MCPH1: variants seen among roughly 807,000 people sequenced by gnomAD.
MCPH1 encodes the protein microcephalin.
A neutral mutation model predicts 84.5 loss-of-function variants in MCPH1; 104 were observed. That is an observed-to-expected ratio of 1.23 (90% confidence interval 1.05 to 1.45). The LOEUF (loss-of-function observed/expected upper bound fraction) is 1.45, where lower values mean the gene tolerates loss of function less well. MCPH1 is among the 40% of genes most tolerant of loss of function. The pLI is 0.00. For missense variants in MCPH1, 1,498 were observed against 1,005.7 expected, an observed-to-expected ratio of 1.49 and a Z score of -6.62; for synonymous variants, 514 against 366.8, an observed-to-expected ratio of 1.40 and a Z score of -4.58.
chr8:6,456,381 C>T (rs1226541473), intron 9 of MCPH1, among the ~76,000 whole-genome samples: 11 of 152,210 alleles, frequency 7.2e-5, no homozygotes, highest in Admixed American at 2.0e-4. Context: ...ACGCTCGCAA[C>T]ACTGTGGCTG....
At chr8:6,558,431 T>C (rs1825000090) in intron 12 of MCPH1, among the ~76,000 whole-genome samples, 1 of 152,222 alleles carries the variant, frequency 6.6e-6, no homozygotes, top group Non-Finnish European at 1.5e-5. Context: ...CAATTTTAAA[T>C]GTACAAAATT....
At chr8:6,421,768 T>G (rs763721783) in intron 3 of MCPH1, among the ~76,000 whole-genome samples, 1 of 152,196 alleles carries the variant, frequency 6.6e-6, no homozygotes, top group African/African-American at 2.4e-5. Context: ...AGAAGTTTGC[T>G]GACCCAGGTC....
intron 11 of MCPH1, among the ~76,000 whole-genome samples, chr8:6,489,846 A>G (rs1810366141): frequency 6.6e-6 from 1 of 152,194 alleles, no homozygotes; most frequent in Non-Finnish European, 1.5e-5. Flanking sequence ...ATCAGGGAAA[A>G]AAAATTTAAA....
At chr8:6,466,162 G>A (rs1202319059) in intron 9 of MCPH1, among the ~76,000 whole-genome samples, 1 of 135,856 alleles carries the variant, frequency 7.4e-6, no homozygotes, top group East Asian at 2.2e-4. Context: ...TCCTGAGACA[G>A]AGTCTTGCTC....
At chr8:6,534,846 A>C (rs1406143426) in intron 12 of MCPH1, among the ~76,000 whole-genome samples, 1 of 152,108 alleles carries the variant, frequency 6.6e-6, no homozygotes, top group Non-Finnish European at 1.5e-5. Context: ...AACTTTTGTG[A>C]TTGAAATAAA....
intron 8 of MCPH1, among the ~76,000 whole-genome samples, chr8:6,447,801 G>C (rs185889263): frequency 6.6e-6 from 1 of 152,162 alleles, no homozygotes; most frequent in Admixed American, 6.5e-5. Flanking sequence ...TACCCTCCTC[G>C]GCCTCCCAAA....
intron 2 of MCPH1, among the ~76,000 whole-genome samples, chr8:6,412,374 C>G (rs1026171995): frequency 1.3e-5 from 2 of 152,208 alleles, no homozygotes; most frequent in Non-Finnish European, 2.9e-5. Context: ...TCTTTTAGAA[C>G]TTTTTGGTTT....
intron 9 of MCPH1, among the ~76,000 whole-genome samples, chr8:6,457,217 C>G (rs1191395021): frequency 1.3e-5 from 2 of 152,062 alleles, no homozygotes; most frequent in East Asian, 1.9e-4. Context: ...AAACTTTGCC[C>G]TCATAATTTA....
intron 13 of MCPH1, chr8:6,627,422 C>G (rs1260813637): frequency 7.5e-6 from 2 of 266,022 alleles, no homozygotes; most frequent in Non-Finnish European, 1.2e-5. Context: ...CCCAGGAGCT[C>G]AGCAACCGCT....
intron 12 of MCPH1, among the ~76,000 whole-genome samples, chr8:6,541,900 C>T (rs548863515): frequency 6.6e-6 from 1 of 151,372 alleles, no homozygotes; most frequent in South Asian, 2.1e-4. Context: ...CCTAGCTACT[C>T]AGGAGGCTAA....
At position 6,477,568 on chromosome 8, in the gene MCPH1, TG is replaced by T. The variant is rs781629392; in HGVS notation, c.1936-25del. Reference sequence around the variant, plus strand: ...ATTTTTTATGTTTTTGACTGTTTTTTGTTCCTTCTTGTTTGAAATCTCTAGC... The same window carrying T: ...ATTTTTTATGTTTTTGACTGTTTTTTTTCCTTCTTGTTTGAAATCTCTAGC... On this transcript the variant is annotated intron_variant, in intron 9 of 13. Transcript: ENST00000344683. 9 of 1,607,170 alleles carry T rather than the reference TG, an allele frequency of 5.6e-6. No homozygotes were observed. In the African/African-American group the frequency reaches 1.1e-4, roughly 19 times the overall value.
intron 9 of MCPH1, among the ~76,000 whole-genome samples, chr8:6,455,967 G>C (rs1254014507): frequency 6.6e-6 from 1 of 152,184 alleles, no homozygotes; most frequent in Non-Finnish European, 1.5e-5. Context: ...TCTGCATGGG[G>C]CTTCCAGGTC....
At chr8:6,639,497 C>A (rs763800622) in intron 13 of MCPH1, among the ~76,000 whole-genome samples, 13 of 151,736 alleles carry the variant, frequency 8.6e-5, no homozygotes, top group East Asian at 1.9e-4. Flanking sequence ...CGTGTCCCTA[C>A]AAAAAAAATT....
intron 12 of MCPH1, chr8:6,563,049 G>T: frequency 8.9e-7 from 1 of 1,127,740 alleles, no homozygotes. Context: ...GGCTGGGTCC[G>T]TCAATGAAAG....
chr8:6,419,144 CA>C (rs1799770640), intron 3 of MCPH1, among the ~76,000 whole-genome samples: 9 of 92,528 alleles, frequency 9.7e-5, no homozygotes, highest in Non-Finnish European at 1.9e-4. Context: ...CACACACACA[CA>C]CACACAGACA....
chr8:6,447,079 A>C, intron 8 of MCPH1: 2 of 985,412 alleles, frequency 2.0e-6, no homozygotes, highest in Non-Finnish European at 2.4e-6. Context: ...TTCTACAGTC[A>C]CCTGCCTTCA....
chr8:6,555,602 C>T (rs1028418986), intron 12 of MCPH1, among the ~76,000 whole-genome samples: 1 of 151,932 alleles, frequency 6.6e-6, no homozygotes, highest in African/African-American at 2.4e-5. Flanking sequence ...GCTGAGACTA[C>T]AGGCATGTAC....
At chr8:6,630,468 T>TA (rs940264711) in intron 13 of MCPH1, among the ~76,000 whole-genome samples, 4 of 152,148 alleles carry the variant, frequency 2.6e-5, no homozygotes, top group Admixed American at 6.5e-5. Flanking sequence ...GCTCAAGCGT[T>TA]AAAAAAATTA....
intron 12 of MCPH1, among the ~76,000 whole-genome samples, chr8:6,605,824 A>G (rs540336479): frequency 1.7e-4 from 26 of 152,280 alleles, no homozygotes; most frequent in African/African-American, 5.5e-4. Context: ...CAGACTCCCA[A>G]GTAGCTGGGA....
Sources: gnomAD v4.1 joint callset for allele counts (sites outside exome capture counted in the v4.1 genomes callset) on GRCh38, gnomAD v4.1.1 for gene constraint, MANE v1.5 for transcripts, NCBI Gene and HGNC (gene_info 2026-07-23, HGNC 2026-07-21) for gene names.